The following GRIK4 variants were observed in gnomAD, a reference collection of about 807,000 sequenced individuals.
The protein encoded by GRIK4 is glutamate receptor ionotropic, kainate 4.
In GRIK4, 40 loss-of-function variants were observed where a neutral mutation model predicts 104.9. The observed-to-expected ratio is 0.38, with a 90% CI of 0.30 to 0.50. The LOEUF is 0.50. Ranked by LOEUF, GRIK4 falls within the 20% of genes least tolerant of loss-of-function variation. GRIK4 has a pLI of 0.93. For synonymous variants in GRIK4, 485 were observed against 524.9 expected, an observed-to-expected ratio of 0.92 and a Z score of 1.04; for missense variants, 1,047 against 1,308.1, an observed-to-expected ratio of 0.80 and a Z score of 3.08.
At chr11:120,892,610 C>T (rs1283502904) in intron 11 of GRIK4, among the ~76,000 whole-genome samples, 1 of 152,092 alleles carries the variant, frequency 6.6e-6, no homozygotes, top group Non-Finnish European at 1.5e-5. Context: ...GTCAGGAAGC[C>T]CCAGAGGACC....
intron 12 of GRIK4, among the ~76,000 whole-genome samples, chr11:120,900,731 G>A (rs572952078): frequency 6.6e-5 from 10 of 152,154 alleles, no homozygotes; most frequent in Non-Finnish European, 1.0e-4. Context: ...CGGGGGAGGG[G>A]TATTCTTGGC....
At chr11:120,652,084 G>A (rs1333346599) in intron 1 of GRIK4, among the ~76,000 whole-genome samples, 1 of 152,180 alleles carries the variant, frequency 6.6e-6, no homozygotes, top group Non-Finnish European at 1.5e-5. Flanking sequence ...TGAGTTCCAG[G>A]TCTGCACGTG....
At chr11:120,512,517 C>G (rs1423283368) in intron 1 of GRIK4, among the ~76,000 whole-genome samples, 1 of 152,056 alleles carries the variant, frequency 6.6e-6, no homozygotes, top group African/African-American at 2.4e-5. Flanking sequence ...GGGGAACCAG[C>G]GTCCTATCAG....
At chr11:120,642,414 G>A (rs1410220835) in intron 1 of GRIK4, among the ~76,000 whole-genome samples, 2 of 151,954 alleles carry the variant, frequency 1.3e-5, no homozygotes, top group East Asian at 1.9e-4. Flanking sequence ...TGGGAGATGC[G>A]GGTATTAGAA....
At chr11:120,582,826 C>A (rs1341702832) in intron 1 of GRIK4, among the ~76,000 whole-genome samples, 5 of 152,136 alleles carry the variant, frequency 3.3e-5, no homozygotes, top group African/African-American at 9.7e-5. Context: ...CATATGCATG[C>A]ATGTATGTGT....
intron 1 of GRIK4, among the ~76,000 whole-genome samples, chr11:120,625,161 G>A (rs1034126997): frequency 6.6e-6 from 1 of 152,178 alleles, no homozygotes; most frequent in Non-Finnish European, 1.5e-5. Context: ...TGTAGTCCCA[G>A]CTACTCGGGA....
At chr11:120,741,870 T>A (rs556939078) in intron 3 of GRIK4, among the ~76,000 whole-genome samples, 3 of 152,300 alleles carry the variant, frequency 2.0e-5, no homozygotes, top group African/African-American at 7.2e-5. Flanking sequence ...TGGGGTAAGA[T>A]GCAGTCTCTG....
chr11:120,872,205 C>CT (rs1954627790), intron 9 of GRIK4: 4 of 307,434 alleles, frequency 1.3e-5, no homozygotes, highest in Non-Finnish European at 2.6e-5. Context: ...TGCTGCTTCT[C>CT]TTTTACAGGT....
chr11:120,875,337 A>G lies in GRIK4; in HGVS notation c.1164+94A>G, dbSNP rs1954753967. ...TTTGGATGGCCTCCTGCTCCCAGTTATCCCCAACAGCAGCAGGCTGGATCC... is the reference window on the plus strand; with the variant it reads ...TTTGGATGGCCTCCTGCTCCCAGTTGTCCCCAACAGCAGCAGGCTGGATCC... On this transcript the variant is annotated intron_variant, in intron 11 of 20. Transcript: ENST00000527524. The G allele has an allele frequency of 1.1e-5, 9 of 801,112 alleles. No individual in the cohort carries two copies. In the East Asian group the frequency reaches 2.3e-4, roughly 20 times the overall value. The allele number at this position is 801,112 out of a possible 1,614,324, so 49.6% of individuals were successfully genotyped here.
intron 13 of GRIK4, among the ~76,000 whole-genome samples, chr11:120,909,639 A>G: frequency 6.6e-6 from 1 of 152,212 alleles, no homozygotes; most frequent in Non-Finnish European, 1.5e-5. Flanking sequence ...AGGTACATGT[A>G]ATTGAAACTG....
chr11:120,707,634 C>G (rs1205368895), intron 3 of GRIK4, among the ~76,000 whole-genome samples: 2 of 152,314 alleles, frequency 1.3e-5, no homozygotes, highest in African/African-American at 4.8e-5. Context: ...GCTTACAAAT[C>G]TTTACTTTGG....
chr11:120,785,836 T>C (rs1169267677), intron 3 of GRIK4, among the ~76,000 whole-genome samples: 4 of 152,190 alleles, frequency 2.6e-5, no homozygotes, highest in African/African-American at 9.6e-5. Flanking sequence ...GGTGGCTCTG[T>C]GCTCATCCCC....
intron 4 of GRIK4, among the ~76,000 whole-genome samples, chr11:120,814,187 G>A (rs1477295274): frequency 1.3e-5 from 2 of 152,198 alleles, no homozygotes; most frequent in Non-Finnish European, 2.9e-5. Context: ...CTGTCTTCAA[G>A]AGGTTTGAAA....
chr11:120,540,278 A>G (rs1948019741), intron 1 of GRIK4, among the ~76,000 whole-genome samples: 1 of 152,326 alleles, frequency 6.6e-6, no homozygotes, highest in Middle Eastern at 3.4e-3. Context: ...GCAAAGGGAC[A>G]GGGGCATATT....
chr11:120,641,694 G>A (rs115040158), intron 1 of GRIK4, among the ~76,000 whole-genome samples: 5,500 of 152,240 alleles, frequency 0.036, 293 homozygotes, highest in African/African-American at 0.12. Context: ...TTTTGTTGCT[G>A]TCTTGGTTTT....
intron 16 of GRIK4, among the ~76,000 whole-genome samples, chr11:120,960,049 G>A (rs887787119): frequency 2.6e-5 from 4 of 151,814 alleles, no homozygotes; most frequent in East Asian, 3.9e-4. Flanking sequence ...AGAATTTATC[G>A]GCCAGGTGTG....
chr11:120,648,161 C>A (rs4935747), intron 1 of GRIK4, among the ~76,000 whole-genome samples: 1 of 151,772 alleles, frequency 6.6e-6, no homozygotes, highest in African/African-American at 2.4e-5. Context: ...GACTATAGAC[C>A]AGAGGGGGCT....
chr11:120,785,574 G>C (rs772382795), intron 3 of GRIK4, among the ~76,000 whole-genome samples: 35 of 152,320 alleles, frequency 2.3e-4, no homozygotes, highest in Middle Eastern at 3.4e-3. Flanking sequence ...AAGATGAAGG[G>C]ATAGACCAAA....
chr11:120,554,450 G>A (rs1406227777), intron 1 of GRIK4, among the ~76,000 whole-genome samples: 1 of 152,124 alleles, frequency 6.6e-6, no homozygotes, highest in Non-Finnish European at 1.5e-5. Flanking sequence ...TGTTTTCCTG[G>A]GACTTTCTCT....
Sources: gnomAD v4.1 joint callset for allele counts (sites outside exome capture counted in the v4.1 genomes callset) on GRCh38, gnomAD v4.1.1 for gene constraint, MANE v1.5 for transcripts, NCBI Gene and HGNC (gene_info 2026-07-23, HGNC 2026-07-21) for gene names.